Variants in PRKCB observed in about 807,000 individuals in gnomAD.
The protein encoded by PRKCB is protein kinase C beta type.
Under a neutral mutation model 81.5 loss-of-function variants are expected in PRKCB, and 13 were observed. The ratio of observed to expected loss-of-function variants is 0.16; its 90% confidence interval spans 0.10 to 0.25. PRKCB has a LOEUF of 0.25. PRKCB is among the 10% of genes least tolerant of loss of function. The pLI is 1.00. For synonymous variants in PRKCB, 335 were observed against 321.4 expected, an observed-to-expected ratio of 1.04 and a Z score of -0.45; for missense variants, 509 against 875.7, an observed-to-expected ratio of 0.58 and a Z score of 5.29.
intron 2 of PRKCB, among the ~76,000 whole-genome samples, chr16:23,921,365 G>A (rs953583598): frequency 1.3e-5 from 2 of 152,096 alleles, no homozygotes; most frequent in African/African-American, 4.8e-5. Context: ...GTAAGGTGCT[G>A]GTACCTTATA....
At chr16:23,990,977 CTTACTTTGT>C (rs1239308949) in intron 3 of PRKCB, among the ~76,000 whole-genome samples, 1 of 152,234 alleles carries the variant, frequency 6.6e-6, no homozygotes, top group Non-Finnish European at 1.5e-5. Context: ...CCCTAGTTCT[CTTACTTTGT>C]TTCTGCTTTG....
chr16:24,217,168 A>T lies in PRKCB; in HGVS notation c.*2352A>T, dbSNP rs1183834977. ...AGGAAGGAAAGAAGGAAGGAAAAGA[A>T]GGAAGGAAGGAAGGAATATAGTGTT... On this transcript the variant is annotated 3_prime_UTR_variant, in exon 17 of 17. Transcript: ENST00000643927. The T allele has an allele frequency of 1.0e-6, 1 of 979,820 alleles. No individual in the cohort carries two copies. The highest frequency in any genetic ancestry group is 1.1e-4 in the East Asian group (1 of 8,796). 60.7% of individuals were successfully genotyped at this position (979,820 alleles called of 1,614,324 possible). A position where few individuals can be genotyped will look rare whatever the true frequency, so the allele number is the denominator to read the frequency against.
chr16:23,904,250 A>G (rs982928587), intron 2 of PRKCB, among the ~76,000 whole-genome samples: 1 of 152,130 alleles, frequency 6.6e-6, no homozygotes, highest in East Asian at 1.9e-4. Flanking sequence ...CAGCTGTGTG[A>G]TTTCTGCTAA....
chr16:24,097,539 A>C (rs1966460172), intron 7 of PRKCB, among the ~76,000 whole-genome samples: 1 of 152,186 alleles, frequency 6.6e-6, no homozygotes, highest in Non-Finnish European at 1.5e-5. Flanking sequence ...ACAGGAGCTG[A>C]GAGTTTTGAA....
At chr16:23,902,777 C>CCTTCCTTCCTT (rs1963500004) in intron 2 of PRKCB, among the ~76,000 whole-genome samples, 9 of 62,094 alleles carry the variant, frequency 1.4e-4, no homozygotes, top group Non-Finnish European at 2.3e-4. Context: ...TTCCTTCCTT[C>CCTTCCTTCCTT]CTTCCTCCCT....
intron 10 of PRKCB, 32 bp from the exon 11 acceptor site, chr16:24,172,238 T>C: frequency 1.3e-6 from 2 of 1,543,412 alleles, no homozygotes; most frequent in Non-Finnish European, 9.0e-7. Context: ...AGCTACGGGA[T>C]GCTAATGTTG....
chr16:23,946,832 G>T (rs921094101), intron 2 of PRKCB, among the ~76,000 whole-genome samples: 1 of 149,110 alleles, frequency 6.7e-6, no homozygotes, highest in Non-Finnish European at 1.5e-5. Context: ...TAGATCACAC[G>T]TTTTCTTTCA....
intron 9 of PRKCB, among the ~76,000 whole-genome samples, chr16:24,129,324 G>C (rs1294267334): frequency 6.6e-6 from 1 of 152,124 alleles, no homozygotes. Flanking sequence ...AGGAGCTGGG[G>C]GAGGCAGCTG....
At chr16:23,894,103 G>A (rs893124067) in intron 2 of PRKCB, among the ~76,000 whole-genome samples, 1 of 152,212 alleles carries the variant, frequency 6.6e-6, no homozygotes, top group Non-Finnish European at 1.5e-5. Context: ...ATGGGATGAT[G>A]GTGGTATGTC....
intron 2 of PRKCB, among the ~76,000 whole-genome samples, chr16:23,863,221 T>A (rs56380544): frequency 0.3 from 23,843 of 79,500 alleles, 2,501 homozygotes; most frequent in East Asian, 0.53. Context: ...TATACATACA[T>A]ATATATGTGT....
intron 2 of PRKCB, among the ~76,000 whole-genome samples, chr16:23,919,436 G>T (rs1489530824): frequency 6.6e-6 from 1 of 150,754 alleles, no homozygotes; most frequent in Non-Finnish European, 1.5e-5. Flanking sequence ...AAAAATACCG[G>T]ATAGGGTTCC....
At chr16:23,910,664 A>C (rs1393488584) in intron 2 of PRKCB, among the ~76,000 whole-genome samples, 1 of 152,172 alleles carries the variant, frequency 6.6e-6, no homozygotes, top group Non-Finnish European at 1.5e-5. Context: ...ATTGAGATAA[A>C]ATTCATATAA....
At chr16:24,014,491 C>A (rs746284523) in intron 3 of PRKCB, among the ~76,000 whole-genome samples, 1 of 152,188 alleles carries the variant, frequency 6.6e-6, no homozygotes, top group Non-Finnish European at 1.5e-5. Context: ...AGCCTAACCC[C>A]TTTGTTTTCA....
intron 3 of PRKCB, among the ~76,000 whole-genome samples, chr16:24,004,478 CA>C (rs71154264): frequency 0.12 from 5,566 of 47,424 alleles, 61 homozygotes; most frequent in Non-Finnish European, 0.15. Flanking sequence ...CAAGTCTCTA[CA>C]AAAAAAAAAA....
chr16:24,048,502 T>G (rs536751576), intron 5 of PRKCB, among the ~76,000 whole-genome samples: 1 of 151,908 alleles, frequency 6.6e-6, no homozygotes, highest in Admixed American at 6.5e-5. Context: ...TTCTTTTTTT[T>G]TTTTTTATAA....
chr16:24,067,990 T>A (rs901389785), intron 5 of PRKCB, among the ~76,000 whole-genome samples: 10 of 151,996 alleles, frequency 6.6e-5, no homozygotes, highest in Admixed American at 3.3e-4. Flanking sequence ...GAAGAGGTTA[T>A]TTTCCATGCA....
chr16:23,903,784 A>C (rs1394175117), intron 2 of PRKCB, among the ~76,000 whole-genome samples: 2 of 152,148 alleles, frequency 1.3e-5, no homozygotes, highest in South Asian at 4.1e-4. Flanking sequence ...GTCTCAACTT[A>C]AATGTCTCCC....
intron 2 of PRKCB, among the ~76,000 whole-genome samples, chr16:23,982,533 A>G (rs553300251): frequency 6.6e-6 from 1 of 151,696 alleles, no homozygotes; most frequent in East Asian, 1.9e-4. Flanking sequence ...GGTTCAACCA[A>G]TTCCCCCCAC....
intron 5 of PRKCB, among the ~76,000 whole-genome samples, chr16:24,046,190 G>A (rs1240466884): frequency 1.3e-5 from 2 of 152,252 alleles, no homozygotes; most frequent in African/African-American, 4.8e-5. Flanking sequence ...TTGCTTTTCT[G>A]GATGGCTTGC....
Sources: allele counts gnomAD v4.1 joint callset (sites outside exome capture counted in the v4.1 genomes callset), GRCh38; gene constraint gnomAD v4.1.1; transcripts MANE v1.5; gene names NCBI Gene and HGNC (gene_info 2026-07-23, HGNC 2026-07-21).